CDKAL1: variants seen among roughly 807,000 people sequenced by gnomAD.
CDKAL1 encodes the protein CDKAL1 threonylcarbamoyladenosine tRNA methylthiotransferase.
In CDKAL1, 32 loss-of-function variants were observed where a neutral mutation model predicts 68.2. The ratio of observed to expected loss-of-function variants is 0.47; its 90% confidence interval spans 0.35 to 0.63. The LOEUF (loss-of-function observed/expected upper bound fraction) is 0.63. CDKAL1 is among the 30% of genes least tolerant of loss of function. The pLI is 0.00. For missense variants in CDKAL1, 606 were observed against 696.7 expected (o/e 0.87, Z 1.47); for synonymous variants, 234 against 244.3 (o/e 0.96, Z 0.39).
At chr6:20,580,795 CTT>C (rs879302363) in intron 4 of CDKAL1, among the ~76,000 whole-genome samples, 3 of 144,382 alleles carry the variant, frequency 2.1e-5, no homozygotes, top group African/African-American at 2.5e-5. Context: ...TGGCACTTTA[CTT>C]TTTTTTTTTT....
At chr6:21,192,147 G>A (rs1311944585) in intron 13 of CDKAL1, among the ~76,000 whole-genome samples, 7 of 147,472 alleles carry the variant, frequency 4.7e-5, no homozygotes, top group African/African-American at 1.7e-4. Flanking sequence ...TCAGCCTCCC[G>A]AGTAGCTGGG....
At chr6:21,224,602 G>A (rs1779664099) in intron 15 of CDKAL1, among the ~76,000 whole-genome samples, 1 of 152,166 alleles carries the variant, frequency 6.6e-6, no homozygotes, top group South Asian at 2.1e-4. Flanking sequence ...CAGGCCAAGA[G>A]ATGTAGGCAA....
At chr6:21,134,014 T>G (rs1775454227) in intron 13 of CDKAL1, among the ~76,000 whole-genome samples, 1 of 152,214 alleles carries the variant, frequency 6.6e-6, no homozygotes, top group South Asian at 2.1e-4. Context: ...TTAATTTTTC[T>G]CATGTGAACT....
chr6:20,622,854 C>T (rs1176939737), intron 4 of CDKAL1, among the ~76,000 whole-genome samples: 1 of 151,872 alleles, frequency 6.6e-6, no homozygotes, highest in East Asian at 1.9e-4. Context: ...TTGCTGTTAT[C>T]TAGTACAACT....
rs561651946 is a variant in CDKAL1, at chr6:20,900,949, G to T, written c.743-54470G>T. Among the ~76,000 whole-genome samples the T allele has an allele frequency of 2.6e-5, 4 of 152,270 alleles. No homozygotes were observed. In the South Asian group the frequency reaches 8.3e-4, roughly 32 times the overall value. On this transcript the variant is annotated intron_variant, in intron 9 of 15. Coordinates refer to ENST00000274695, the MANE Select transcript of CDKAL1 (RefSeq NM_017774.3). Reference sequence around the variant, plus strand: ...TATTGCATAATTTGTAATAGTTTCAGTAGCAGTCATATACTGAAAATCAAT... The same window carrying T: ...TATTGCATAATTTGTAATAGTTTCATTAGCAGTCATATACTGAAAATCAAT...
chr6:21,064,360 A>G (rs1771306537), intron 11 of CDKAL1, among the ~76,000 whole-genome samples: 1 of 152,214 alleles, frequency 6.6e-6, no homozygotes, highest in Non-Finnish European at 1.5e-5. Flanking sequence ...TAACCAGTTC[A>G]CTATAAAAGC....
At chr6:20,576,051 T>C (rs565995834) in intron 4 of CDKAL1, among the ~76,000 whole-genome samples, 10 of 152,306 alleles carry the variant, frequency 6.6e-5, no homozygotes, top group Admixed American at 2.6e-4. Flanking sequence ...GCTATAGACA[T>C]ATATATGTAA....
chr6:20,734,149 GAAAAAA>G (rs869188862), intron 5 of CDKAL1, among the ~76,000 whole-genome samples: 1 of 106,220 alleles, frequency 9.4e-6, no homozygotes, highest in African/African-American at 3.4e-5. Flanking sequence ...ACTCTGTCTT[GAAAAAA>G]AAAAAAAAAA....
intron 11 of CDKAL1, among the ~76,000 whole-genome samples, chr6:21,022,851 T>A (rs181862793): frequency 6.6e-6 from 1 of 152,332 alleles, no homozygotes; most frequent in Non-Finnish European, 1.5e-5. Context: ...GGAAGTGCGT[T>A]ACTATTCACT....
chr6:20,800,264 A>G (rs765423788), intron 8 of CDKAL1, among the ~76,000 whole-genome samples: 9 of 152,252 alleles, frequency 5.9e-5, no homozygotes, highest in Non-Finnish European at 1.2e-4. Context: ...TTCCCCAGCA[A>G]CATAAAGAAA....
chr6:21,045,030 C>G (rs1036514258), intron 11 of CDKAL1, among the ~76,000 whole-genome samples: 6 of 152,176 alleles, frequency 3.9e-5, no homozygotes, highest in Non-Finnish European at 8.8e-5. Context: ...TTTTATAAGG[C>G]TCTGCCTTCA....
chr6:20,544,030 G>A (rs532403304), intron 2 of CDKAL1, among the ~76,000 whole-genome samples: 6 of 152,038 alleles, frequency 3.9e-5, no homozygotes, highest in African/African-American at 1.2e-4. Context: ...GAGCCACTGC[G>A]CCCAGCCTAT....
intron 13 of CDKAL1, among the ~76,000 whole-genome samples, chr6:21,191,566 T>C (rs1278881277): frequency 5.3e-5 from 8 of 152,134 alleles, no homozygotes; most frequent in East Asian, 1.9e-4. Flanking sequence ...ATAGGAAGCA[T>C]TGAGTAGTGG....
At chr6:20,869,991 T>C (rs969175125) in intron 9 of CDKAL1, among the ~76,000 whole-genome samples, 2 of 152,194 alleles carry the variant, frequency 1.3e-5, no homozygotes, top group African/African-American at 4.8e-5. Flanking sequence ...ATTTATATGG[T>C]CTGAGTGCTT....
rs548679023 is a variant in CDKAL1, at chr6:20,731,904, G to A, written c.372-7615G>A. On this transcript the variant is annotated intron_variant, in intron 5 of 15. Transcript: ENST00000274695. ...ATCAGACCATAGCCAACAGCAGCCA[G>A]CCTCCCAGGATGACAAGATCTCTCC... 3.9e-4 allele frequency among the ~76,000 whole-genome samples: 60 copies of A among 152,242 alleles called. 1 individual carries two copies. In the South Asian group the frequency reaches 0.012, roughly 31 times the overall value.
chr6:21,156,023 G>C (rs564478393), intron 13 of CDKAL1, among the ~76,000 whole-genome samples: 1 of 152,284 alleles, frequency 6.6e-6, no homozygotes, highest in East Asian at 1.9e-4. Context: ...TTAGTGATAG[G>C]GAGGGGAGCG....
chr6:20,820,498 G>A (rs1777233334), intron 8 of CDKAL1, among the ~76,000 whole-genome samples: 1 of 152,106 alleles, frequency 6.6e-6, no homozygotes, highest in Admixed American at 6.5e-5. Context: ...TAAAATACCA[G>A]GTTGGAATTC....
chr6:20,736,986 C>T (rs1432769367), intron 5 of CDKAL1, among the ~76,000 whole-genome samples: 1 of 152,148 alleles, frequency 6.6e-6, no homozygotes, highest in Non-Finnish European at 1.5e-5. Context: ...AAGAGATTTC[C>T]ATATTGCCCA....
chr6:20,935,071 C>T (rs779347294), intron 9 of CDKAL1, among the ~76,000 whole-genome samples: 9 of 151,880 alleles, frequency 5.9e-5, no homozygotes, highest in Non-Finnish European at 1.5e-5. Context: ...AATTTTTGTA[C>T]TTTTAGTAGA....
Sources: gnomAD v4.1 joint callset for allele counts (sites outside exome capture counted in the v4.1 genomes callset) on GRCh38, gnomAD v4.1.1 for gene constraint, MANE v1.5 for transcripts, NCBI Gene and HGNC (gene_info 2026-07-23, HGNC 2026-07-21) for gene names.